TCF20: variants seen among roughly 807,000 people sequenced by gnomAD.
TCF20 encodes the protein transcription factor 20, also known as SPRE-binding protein.
A neutral mutation model predicts 148.6 loss-of-function variants in TCF20; 3 were observed. The ratio of observed to expected loss-of-function variants is 0.02; its 90% CI spans 0.01 to 0.05. TCF20 has a LOEUF of 0.05. TCF20 is among the 10% of genes least tolerant of loss of function. TCF20 has a pLI of 1.00. For synonymous variants in TCF20, 1,049 were observed against 909.5 expected, an observed-to-expected ratio of 1.15 and a Z score of -2.76; for missense variants, 2,350 against 2,429.3, an observed-to-expected ratio of 0.97 and a Z score of 0.69.
chr22:42,187,853 A>AT (rs1296050205), intron 2 of TCF20, among the ~76,000 whole-genome samples: 3 of 152,236 alleles, frequency 2.0e-5, no homozygotes, highest in African/African-American at 7.2e-5. Flanking sequence ...GAATACACAC[A>AT]GCTTTATACA....
At chr22:42,236,573 T>C (rs894329503) in intron 1 of TCF20, among the ~76,000 whole-genome samples, 4 of 152,204 alleles carry the variant, frequency 2.6e-5, no homozygotes, top group Admixed American at 6.5e-5. Flanking sequence ...GCAAGAGTTT[T>C]CCCTTCTTCC....
intron 1 of TCF20, among the ~76,000 whole-genome samples, chr22:42,245,875 A>C (rs983931446): frequency 1.3e-5 from 2 of 152,126 alleles, no homozygotes; most frequent in African/African-American, 4.8e-5. Context: ...CAGCCCCTGA[A>C]TAGATGGAAT....
intron 1 of TCF20, among the ~76,000 whole-genome samples, chr22:42,316,767 G>C (rs1016708828): frequency 7.2e-5 from 11 of 152,072 alleles, no homozygotes; most frequent in Admixed American, 2.0e-4. Context: ...GCCAGGATCC[G>C]AACACATCAC....
chr22:42,300,097 C>G (rs1040011952), intron 1 of TCF20, among the ~76,000 whole-genome samples: 1 of 152,154 alleles, frequency 6.6e-6, no homozygotes, highest in African/African-American at 2.4e-5. Flanking sequence ...GGGCCTGGGG[C>G]TGCTGAAGGA....
intron 1 of TCF20, among the ~76,000 whole-genome samples, chr22:42,301,983 GC>G (rs2147034322): frequency 6.6e-6 from 1 of 152,312 alleles, no homozygotes; most frequent in African/African-American, 2.4e-5. Flanking sequence ...CTCAACCTAA[GC>G]CCCCAGAGGA....
In TCF20 at chr22:42,299,256, G is replaced by A. The variant is rs1217294646; in HGVS notation, c.-37+44223C>T. ...CCCAGAGGACAATCACAGGGAGGAC[G>A]GCGGCAAGGAGGTGAGGCCATGTCT... On this transcript the variant is annotated intron_variant, in intron 1 of 1. Coordinates refer to the TCF20 transcript ENST00000515426. The surrounding 1 kb of genome is among the most constrained non-coding windows in gnomAD (Gnocchi z 4.1). 6.6e-6 allele frequency among the ~76,000 whole-genome samples: 1 copy of A among 152,192 alleles called. No individual in the cohort carries two copies. The highest frequency in any genetic ancestry group is 1.5e-5 in the Non-Finnish European group (1 of 68,024).
chr22:42,255,280 A>G (rs1925668576), intron 1 of TCF20, among the ~76,000 whole-genome samples: 1 of 152,098 alleles, frequency 6.6e-6, no homozygotes, highest in African/African-American at 2.4e-5. Context: ...AGGTCAGGAA[A>G]TCGAGACCAT....
chr22:42,204,443 C>T (rs1040666383), intron 2 of TCF20, among the ~76,000 whole-genome samples: 9 of 152,032 alleles, frequency 5.9e-5, no homozygotes, highest in African/African-American at 1.2e-4. Flanking sequence ...TGCCGTGAGC[C>T]GAGATCATGC....
intron 1 of TCF20, among the ~76,000 whole-genome samples, chr22:42,295,604 C>T (rs942192121): frequency 7.9e-5 from 12 of 152,070 alleles, no homozygotes; most frequent in African/African-American, 2.4e-4. Context: ...CCACCACGCC[C>T]GGCTAATTTT....
chr22:42,214,331 A>G lies in TCF20; in HGVS notation c.975T>C (p.Ser325=). Residue 325 remains serine (S), a synonymous_variant, in exon 2 of 6, where the codon TCT becomes TCC. Coordinates refer to ENST00000677622, the MANE Select transcript of TCF20 (RefSeq NM_001378418.1). ...QQQPQQQQHP[S]QHVMQYTNAA... ...CGTTAGTATACTGCATCACATGCTG[A>G]GAAGGGTGTTGTTGTTGCTGCGGTT... The G allele has an allele frequency of 6.2e-7, 1 of 1,614,194 alleles. No individual in the cohort carries two copies. Among genetic ancestry groups the G allele is most frequent in the Non-Finnish European group, 8.5e-7 (1 of 1,180,036 alleles).
intron 2 of TCF20, among the ~76,000 whole-genome samples, chr22:42,202,573 G>C (rs573836384): frequency 6.6e-6 from 1 of 152,188 alleles, no homozygotes; most frequent in South Asian, 2.1e-4. Flanking sequence ...AGGACCTTCC[G>C]GGGCAAGTGT....
chr22:42,327,781 T>G (rs1927901355), intron 1 of TCF20, among the ~76,000 whole-genome samples: 1 of 150,930 alleles, frequency 6.6e-6, no homozygotes, highest in African/African-American at 2.4e-5. Flanking sequence ...GTCTGACATC[T>G]CATGTGACCG....
intron 2 of TCF20, among the ~76,000 whole-genome samples, chr22:42,195,201 T>A (rs942788486): frequency 6.6e-6 from 1 of 150,896 alleles, no homozygotes; most frequent in African/African-American, 2.4e-5. Flanking sequence ...ATTCACCCAG[T>A]GGCAACTCAC....
intron 1 of TCF20, among the ~76,000 whole-genome samples, chr22:42,327,872 G>A (rs765131242): frequency 6.6e-6 from 1 of 151,186 alleles, no homozygotes; most frequent in Non-Finnish European, 1.5e-5. Flanking sequence ...TGCCTTCCCC[G>A]GCCTCAAAGT....
At chr22:42,282,920 G>T (rs1489812063) in intron 1 of TCF20, among the ~76,000 whole-genome samples, 1 of 152,190 alleles carries the variant, frequency 6.6e-6, no homozygotes, top group Non-Finnish European at 1.5e-5. Context: ...GCCCAGCACG[G>T]GCTCCCTCCG....
chr22:42,258,737 G>C (rs772999576), intron 1 of TCF20, among the ~76,000 whole-genome samples: 4 of 152,122 alleles, frequency 2.6e-5, no homozygotes, highest in African/African-American at 7.2e-5. Flanking sequence ...ATGTAGGTAG[G>C]TGTTGCCAGC....
In TCF20 at chr22:42,214,234, T is replaced by C. The variant is rs1921416163; in HGVS notation, c.1072A>G (p.Met358Val). 3.1e-6 allele frequency: 5 copies of C among 1,614,056 alleles called. No homozygotes were observed. The highest frequency in any genetic ancestry group is 1.3e-5 in the African/African-American group (1 of 74,918). ...NQPEVPVRSPMQFHQNFSPIS... is the reference protein window; with the variant it reads ...NQPEVPVRSPVQFHQNFSPIS... ...GGGCTGAAGTTCTGGTGAAACTGCATGGGGGACCTCACAGGAACCTCAGGC... is the reference window on the plus strand; with the variant it reads ...GGGCTGAAGTTCTGGTGAAACTGCACGGGGGACCTCACAGGAACCTCAGGC... The change falls in exon 2 of 6, where the codon ATG (methionine) becomes GTG (valine). Residue 358 changes from methionine (M) to valine (V), a missense_variant. Met to Val is a conservative substitution (Grantham distance 21). This residue lies in a region of TCF20 where 1,641 missense variants were observed against 1,662.6 expected (regional missense o/e 0.99). Transcript: ENST00000677622.
At chr22:42,239,653 T>C (rs1924218189) in intron 1 of TCF20, among the ~76,000 whole-genome samples, 1 of 151,976 alleles carries the variant, frequency 6.6e-6, no homozygotes, top group Non-Finnish European at 1.5e-5. Flanking sequence ...CCGGGCATGG[T>C]GGTGCACACC....
intron 1 of TCF20, among the ~76,000 whole-genome samples, chr22:42,282,042 G>T (rs1926913653): frequency 6.6e-6 from 1 of 152,240 alleles, no homozygotes; most frequent in Non-Finnish European, 1.5e-5. Context: ...AGAAGGACAG[G>T]GAAGGCTTCC....
Sources: allele counts gnomAD v4.1 joint callset (sites outside exome capture counted in the v4.1 genomes callset), GRCh38; gene constraint gnomAD v4.1.1; regional missense constraint gnomAD v4.1.1; non-coding constraint Gnocchi (gnomAD v3.1); transcripts MANE v1.5; gene names NCBI Gene and HGNC (gene_info 2026-07-23, HGNC 2026-07-21).